The following ENTREP1 variants were observed in gnomAD, a reference collection of about 807,000 sequenced individuals.
The protein encoded by ENTREP1 is Friedreich ataxia region gene X123.
At chr9:69,383,967 A>G in the ENTREP1 span, 1 of 1,613,912 alleles carries the variant, frequency 6.2e-7, no homozygotes, top group Non-Finnish European at 8.5e-7. Context: ...TCCAAATGTC[A>G]GAAGGATCAG....
the ENTREP1 span, chr9:69,391,993 T>C: frequency 1.6e-6 from 1 of 614,400 alleles, no homozygotes; most frequent in Non-Finnish European, 2.9e-6. Flanking sequence ...CAGGCCCGTC[T>C]GGGTTTGGGA....
chr9:69,325,365 G>A, the ENTREP1 span: 2 of 1,172,754 alleles, frequency 1.7e-6, no homozygotes, highest in East Asian at 3.7e-5. Flanking sequence ...GGGCTTTCGG[G>A]TGGGCCGCAG....
At chr9:69,373,983 C>T in the ENTREP1 span, among the ~76,000 whole-genome samples, 1 of 152,106 alleles carries the variant, frequency 6.6e-6, no homozygotes, top group African/African-American at 2.4e-5. Flanking sequence ...ATTTCTGTCA[C>T]CCTAAAAAGT....
the ENTREP1 span, chr9:69,324,934 GACTT>G: frequency 1.0e-6 from 1 of 984,942 alleles, no homozygotes; most frequent in South Asian, 4.7e-5. Flanking sequence ...CACCTCGAGG[GACTT>G]ACTTAAATAT....
the ENTREP1 span, among the ~76,000 whole-genome samples, chr9:69,331,890 A>G: frequency 1.3e-5 from 2 of 152,266 alleles, no homozygotes; most frequent in South Asian, 2.1e-4. Flanking sequence ...CCATGGAAGG[A>G]CATTGTTAAG....
At chr9:69,326,085 C>T in the ENTREP1 span, among the ~76,000 whole-genome samples, 1 of 152,132 alleles carries the variant, frequency 6.6e-6, no homozygotes, top group African/African-American at 2.4e-5. Context: ...GCACTGACAA[C>T]GTCTGTGCTG....
the ENTREP1 span, chr9:69,383,826 C>T: frequency 1.9e-6 from 3 of 1,599,136 alleles, no homozygotes; most frequent in African/African-American, 4.0e-5. Flanking sequence ...CCGCCCCACC[C>T]CCTGCCCCCA....
At chr9:69,332,145 C>T in the ENTREP1 span, among the ~76,000 whole-genome samples, 1 of 152,180 alleles carries the variant, frequency 6.6e-6, no homozygotes, top group African/African-American at 2.4e-5. Context: ...ACCATCCAGG[C>T]CTACTTCCTC....
chr9:69,360,418 G>T, the ENTREP1 span, among the ~76,000 whole-genome samples: 1 of 152,048 alleles, frequency 6.6e-6, no homozygotes, highest in African/African-American at 2.4e-5. Context: ...CATGATTTTG[G>T]TCAGAGCAAT....
the ENTREP1 span, chr9:69,383,677 G>A: frequency 8.7e-5 from 141 of 1,614,118 alleles, no homozygotes; most frequent in South Asian, 5.8e-4. Context: ...TACGGAGCTC[G>A]AATCAAAGGT....
chr9:69,370,640 C>T, the ENTREP1 span, among the ~76,000 whole-genome samples: 16 of 152,118 alleles, frequency 1.1e-4, no homozygotes, highest in Non-Finnish European at 1.5e-4. Flanking sequence ...AAATGGGTCT[C>T]GGGAAATGCT....
At chr9:69,370,168 T>C in the ENTREP1 span, among the ~76,000 whole-genome samples, 1 of 152,168 alleles carries the variant, frequency 6.6e-6, no homozygotes, top group South Asian at 2.1e-4. Context: ...CACTTTTTTT[T>C]CAAGGCATTG....
the ENTREP1 span, chr9:69,383,460 T>G: frequency 6.7e-7 from 1 of 1,484,044 alleles, no homozygotes; most frequent in Non-Finnish European, 8.9e-7. Flanking sequence ...TCTGGCCACT[T>G]CGTCGGAGAG....
chr9:69,377,681 C>T, the ENTREP1 span: 1,203 of 1,613,952 alleles, frequency 7.5e-4, no homozygotes, highest in Non-Finnish European at 9.4e-4. Context: ...GATTTTGTGC[C>T]GCCTGTGCCT....
chr9:69,331,762 G>T, the ENTREP1 span, among the ~76,000 whole-genome samples: 1 of 152,148 alleles, frequency 6.6e-6, no homozygotes, highest in African/African-American at 2.4e-5. Flanking sequence ...ATTGACTCTT[G>T]CCATAACTAA....
the ENTREP1 span, among the ~76,000 whole-genome samples, chr9:69,339,244 C>T: frequency 7.4e-4 from 112 of 152,216 alleles, no homozygotes; most frequent in African/African-American, 2.5e-3. Flanking sequence ...TTGTCTCGAA[C>T]TCCTGGGCTC....
chr9:69,385,479 G>GGA, the ENTREP1 span, among the ~76,000 whole-genome samples: 1 of 146,954 alleles, frequency 6.8e-6, no homozygotes, highest in East Asian at 2.0e-4. Flanking sequence ...ATGCTTCCCT[G>GGA]GAGAAGATTC....
At chr9:69,362,993 A>G in the ENTREP1 span, among the ~76,000 whole-genome samples, 1 of 152,094 alleles carries the variant, frequency 6.6e-6, no homozygotes, top group Non-Finnish European at 1.5e-5. Context: ...TTATATATCA[A>G]TCTATCCTAT....
At chr9:69,347,501 C>T in the ENTREP1 span, among the ~76,000 whole-genome samples, 1 of 152,248 alleles carries the variant, frequency 6.6e-6, no homozygotes, top group African/African-American at 2.4e-5. Flanking sequence ...CATTCCCTTG[C>T]CTTCCCACGG....
Sources: gnomAD v4.1 joint callset for allele counts (sites outside exome capture counted in the v4.1 genomes callset) on GRCh38, gnomAD v4.1.1 for gene constraint, MANE v1.5 for transcripts, NCBI Gene and HGNC (gene_info 2026-07-23, HGNC 2026-07-21) for gene names.